The following STPG4 variants were observed in gnomAD, a reference collection of about 807,000 sequenced individuals.
STPG4 encodes sperm-tail PG-rich repeat containing 4.
Under a neutral mutation model 31.5 loss-of-function variants are expected in STPG4, and 41 were observed. The observed-to-expected ratio is 1.30, with a 90% CI of 1.01 to 1.69. STPG4 has a LOEUF of 1.69. Among genes scored for constraint, STPG4 ranks in the 40% most tolerant of loss-of-function variants. STPG4 has a pLI of 0.00. For synonymous variants in STPG4, 141 were observed against 103.0 expected (o/e 1.37, Z -2.24); for missense variants, 375 against 293.4 (o/e 1.28, Z -2.03).
intron 6 of STPG4, among the ~76,000 whole-genome samples, 160 bp from the exon 7 acceptor site, chr2:47,087,290 G>C (rs1326785455): frequency 6.6e-6 from 1 of 152,242 alleles, no homozygotes; most frequent in Non-Finnish European, 1.5e-5. Context: ...CCTCGAATTG[G>C]AGCATGTCCT....
intron 3 of STPG4, among the ~76,000 whole-genome samples, chr2:47,136,014 C>G (rs2103787924): frequency 6.6e-6 from 1 of 152,252 alleles, no homozygotes; most frequent in Middle Eastern, 3.4e-3. Context: ...TTGATAGCCA[C>G]AAAATAACAT....
At chr2:47,150,648 TA>T (rs377210318) in intron 3 of STPG4, among the ~76,000 whole-genome samples, 3 of 84,914 alleles carry the variant, frequency 3.5e-5, no homozygotes, top group Non-Finnish European at 8.3e-5. Flanking sequence ...CCCAAGTAGC[TA>T]TTTTTTTTTT....
At chr2:47,101,942 T>C (rs575074438) in intron 5 of STPG4, among the ~76,000 whole-genome samples, 1 of 151,802 alleles carries the variant, frequency 6.6e-6, no homozygotes, top group East Asian at 1.9e-4. Flanking sequence ...TTCGAGAATG[T>C]GTCGGTAAGG....
At chr2:47,116,093 CA>C (rs1686147818) in intron 5 of STPG4, among the ~76,000 whole-genome samples, 1 of 152,192 alleles carries the variant, frequency 6.6e-6, no homozygotes, top group African/African-American at 2.4e-5. Context: ...CCTCTGGGCT[CA>C]TTGAGTTTTT....
chr2:47,099,746 G>A (rs1685750823), intron 5 of STPG4, among the ~76,000 whole-genome samples: 1 of 152,258 alleles, frequency 6.6e-6, no homozygotes, highest in South Asian at 2.1e-4. Flanking sequence ...AGGCGCGAGT[G>A]GGAACCGGGG....
At chr2:47,144,431 A>T (rs1427290227) in intron 3 of STPG4, among the ~76,000 whole-genome samples, 1 of 152,178 alleles carries the variant, frequency 6.6e-6, no homozygotes, top group East Asian at 1.9e-4. Flanking sequence ...TTGTCATCTC[A>T]GCACTTGGGG....
chr2:47,097,018 A>T (rs2103733273), intron 5 of STPG4, among the ~76,000 whole-genome samples: 1 of 152,262 alleles, frequency 6.6e-6, no homozygotes, highest in Middle Eastern at 3.4e-3. Context: ...CATCTGGAGT[A>T]ACCCCTTGAA....
At chr2:47,103,167 C>T (rs1312170253) in intron 5 of STPG4, among the ~76,000 whole-genome samples, 2 of 151,798 alleles carry the variant, frequency 1.3e-5, no homozygotes, top group South Asian at 2.1e-4. Flanking sequence ...CATCTGTTGA[C>T]CTGTGTTCTA....
In STPG4 at chr2:47,155,284, G is replaced by C. The variant is rs529825368; in HGVS notation, c.-33C>G. On this transcript the variant is annotated 5_prime_UTR_variant, in exon 1 of 7. Transcript: ENST00000445927. ...TCCTCTCTCTCTAGGCTGAACCTGA[G>C]CTCCGGTTGCTAGGAGGCGGGTGTG... The C allele has an allele frequency of 6.2e-7, 1 of 1,610,668 alleles. No homozygotes were observed. The highest frequency in any genetic ancestry group is 8.5e-7 in the Non-Finnish European group (1 of 1,177,210).
At chr2:47,133,946 G>C (rs1201178709) in intron 3 of STPG4, among the ~76,000 whole-genome samples, 1 of 152,032 alleles carries the variant, frequency 6.6e-6, no homozygotes, top group Non-Finnish European at 1.5e-5. Flanking sequence ...ATTCAGTTAT[G>C]TTGCACCAAA....
intron 3 of STPG4, among the ~76,000 whole-genome samples, chr2:47,130,805 G>A (rs574814530): frequency 4.3e-4 from 65 of 151,956 alleles, no homozygotes; most frequent in African/African-American, 1.3e-3. Flanking sequence ...ATGAACTACC[G>A]TGCCCAGCCA....
intron 5 of STPG4, among the ~76,000 whole-genome samples, chr2:47,101,245 C>T (rs571248762): frequency 6.6e-6 from 1 of 151,894 alleles, no homozygotes; most frequent in South Asian, 2.1e-4. Context: ...TCTCTAACAA[C>T]CCCCGACTCT....
Position 47,087,045 on chromosome 2 carries a change from C to G in STPG4, c.710G>C (p.Ser237Thr). Residue 237 changes from serine (S) to threonine (T), a missense_variant, in exon 7 of 7, where the codon AGC becomes ACC. By Grantham distance (58) the Ser-to-Thr change is moderately conservative. Transcript: ENST00000445927. ...PTIAKMGQEH[S>T]LFFNNNNWLL... ...CCAATTGTTGTTGTTGAAGAAAAGG[C>G]TATGCTCTTGGCCCATTTTGGCTAT... is the stretch of plus-strand genomic sequence containing the variant. The G allele has an allele frequency of 6.4e-7, 1 of 1,551,762 alleles. No individual in the cohort carries two copies. Among genetic ancestry groups the G allele is most frequent in the Non-Finnish European group, 8.7e-7 (1 of 1,147,004 alleles).
rs992813270 is a variant in STPG4, at chr2:47,090,277, C to A, written c.617G>T (p.Ser206Ile). The A allele has an allele frequency of 3.2e-6, 5 of 1,550,574 alleles. No individual in the cohort carries two copies. The South Asian group carries it at 6.0e-5, about 18-fold the overall frequency. Residue 206 changes from serine to isoleucine, a missense_variant, in exon 6 of 7, where the codon AGC (serine) becomes ATC (isoleucine). Ser to Ile is a moderately radical substitution (Grantham distance 142, BLOSUM62 -2). Coordinates refer to ENST00000445927, the MANE Select transcript of STPG4 (RefSeq NM_001163561.2). ...GTCTTTCCGAATACTTACTGAACAG[C>A]TGGGCAAGAATCGAGGGACTCTGGA... The part of the protein sequence containing the change: ...FQSRVPRFLP[S>I]CSKTPGPGAY...
intron 5 of STPG4, among the ~76,000 whole-genome samples, chr2:47,116,519 G>A (rs552305167): frequency 3.3e-5 from 5 of 152,188 alleles, no homozygotes; most frequent in African/African-American, 7.2e-5. Context: ...ACGGTTTTAC[G>A]GAATTGTCTT....
At position 47,090,364 on chromosome 2, in the gene STPG4, G is replaced by C. The variant is rs1457374358; in HGVS notation, c.530C>G (p.Pro177Arg). ...PTTYFIPHEGPGPGHYNVKMP... is the reference protein window; with the variant it reads ...PTTYFIPHEGRGPGHYNVKMP... ...TTTCACATTATAATGACCTGGACCA[G>C]GGCCTTCATGCTATTGAACATTTAA... The change falls in exon 6 of 7, where the codon CCT becomes CGT. Residue 177 changes from proline to arginine, a missense_variant. By Grantham distance (103) the Pro-to-Arg change is moderately radical. Coordinates refer to ENST00000445927, the MANE Select transcript of STPG4 (RefSeq NM_001163561.2). 5.2e-6 allele frequency: 8 copies of C among 1,549,962 alleles called. No homozygotes were observed. In the East Asian group the frequency reaches 2.0e-4, roughly 38 times the overall value.
chr2:47,146,736 G>A (rs1429308760), intron 3 of STPG4, among the ~76,000 whole-genome samples: 1 of 152,180 alleles, frequency 6.6e-6, no homozygotes, highest in East Asian at 1.9e-4. Flanking sequence ...AGGTCTGAGT[G>A]CTTGGGGCAC....
chr2:47,119,593 T>C (rs1686225670), intron 5 of STPG4, among the ~76,000 whole-genome samples: 2 of 152,224 alleles, frequency 1.3e-5, no homozygotes. Context: ...GAGAAAAAAC[T>C]TGGTGTCCTA....
At chr2:47,114,303 G>A (rs142067834) in intron 5 of STPG4, among the ~76,000 whole-genome samples, 11 of 151,376 alleles carry the variant, frequency 7.3e-5, no homozygotes, top group Non-Finnish European at 1.3e-4. Flanking sequence ...CCCGGAGTTC[G>A]AGACCAGCCT....
Sources: allele counts gnomAD v4.1 joint callset (sites outside exome capture counted in the v4.1 genomes callset), GRCh38; gene constraint gnomAD v4.1.1; transcripts MANE v1.5; gene names NCBI Gene and HGNC (gene_info 2026-07-23, HGNC 2026-07-21).